TAF1: variants seen among roughly 807,000 people sequenced by gnomAD.
The protein encoded by TAF1 is transcription initiation factor TFIID subunit 1.
Under a neutral mutation model 138.5 loss-of-function variants are expected in TAF1, and 2 were observed. The ratio of observed to expected loss-of-function variants is 0.01; its 90% CI spans 0.01 to 0.05. The LOEUF (loss-of-function observed/expected upper bound fraction) is 0.05, where lower values mean the gene tolerates loss of function less well. Among genes scored for constraint, TAF1 ranks in the 10% least tolerant of loss-of-function variants. The pLI, the probability that TAF1 is intolerant of heterozygous loss-of-function variation, is 1.00. For missense variants in TAF1, 709 were observed against 1,478.0 expected (o/e 0.48, Z 8.53); for synonymous variants, 437 against 503.2 (o/e 0.87, Z 1.76).
chrX:71,487,573 T>C (rs2039196921), intron 13 of TAF1, among the ~76,000 whole-genome samples: 1 of 111,408 alleles, frequency 9.0e-6, no homozygotes, highest in African/African-American at 3.3e-5. Context: ...TCCAACTGCC[T>C]TGGCCTCCCA....
intron 18 of TAF1, 97 bp downstream of exon 18, chrX:71,389,762 A>C: frequency 1.5e-6 from 1 of 651,541 alleles, no homozygotes; most frequent in Middle Eastern, 4.2e-4. Flanking sequence ...TAAACTGTAC[A>C]CATTTAAAGT....
intron 13 of TAF1, among the ~76,000 whole-genome samples, chrX:71,523,702 A>G (rs2039944686): frequency 1.8e-5 from 2 of 112,000 alleles, no homozygotes; most frequent in Non-Finnish European, 3.8e-5. Context: ...TTAAACACAT[A>G]GTATCATAAG....
chrX:71,443,975 T>C (rs1038985520), intron 32 of TAF1, among the ~76,000 whole-genome samples: 1 of 110,486 alleles, frequency 9.1e-6, no homozygotes, highest in Admixed American at 9.7e-5. Flanking sequence ...CCTCCCAAAG[T>C]GTTGAGATTA....
intron 28 of TAF1, among the ~76,000 whole-genome samples, chrX:71,408,874 C>T (rs1222546988): frequency 9.1e-6 from 1 of 110,290 alleles, no homozygotes; most frequent in Non-Finnish European, 1.9e-5. Flanking sequence ...GTTATCTGGG[C>T]GTAGTGGCGG....
Position 71,465,892 on chromosome X carries a change from G to A in TAF1, c.*1846G>A, listed in dbSNP as rs2147467231. 8.9e-6 allele frequency: 1 copy of A among 112,108 alleles called. No individual in the cohort carries two copies. Among genetic ancestry groups the A allele is most frequent in the South Asian group, 3.7e-4 (1 of 2,715 alleles). The allele number at this position is 112,108 out of a possible 1,213,427, so 9.2% of individuals were successfully genotyped here. The stretch of plus-strand genomic sequence containing the variant: ...CCCAGGAATGGGATTGGAGGGGAGG[G>A]GGCTTCTGTGTTTGTTATGTATGCT... On this transcript the variant is annotated 3_prime_UTR_variant, in exon 38 of 38. Transcript: ENST00000423759.
intron 3 of TAF1, among the ~76,000 whole-genome samples, chrX:71,371,045 G>T (rs780672445): frequency 9.0e-6 from 1 of 111,694 alleles, no homozygotes; most frequent in Non-Finnish European, 1.9e-5. Context: ...CACCCTGACT[G>T]GGGGGACATG....
At chrX:71,483,086 C>G (rs1338571099) in intron 13 of TAF1, among the ~76,000 whole-genome samples, 2 of 108,526 alleles carry the variant, frequency 1.8e-5, no homozygotes, top group Non-Finnish European at 3.8e-5. Context: ...TCTCCCAACT[C>G]AGCCTCTCTA....
intron 13 of TAF1, among the ~76,000 whole-genome samples, chrX:71,518,312 C>T (rs966211980): frequency 1.3e-4 from 15 of 111,139 alleles, no homozygotes; most frequent in Admixed American, 6.7e-4. Flanking sequence ...GGATTACAGG[C>T]GAGTGCCACC....
intron 28 of TAF1, among the ~76,000 whole-genome samples, chrX:71,413,557 T>C: frequency 8.9e-6 from 1 of 111,912 alleles, no homozygotes; most frequent in Non-Finnish European, 1.9e-5. Flanking sequence ...AGAAATACTT[T>C]CTCGAATCAT....
intron 28 of TAF1, among the ~76,000 whole-genome samples, chrX:71,409,726 A>G (rs1347825467): frequency 3.6e-5 from 4 of 111,107 alleles, no homozygotes; most frequent in Non-Finnish European, 3.8e-5. Context: ...TCCATCTCCA[A>G]TAACTGGCTC....
intron 32 of TAF1, among the ~76,000 whole-genome samples, chrX:71,435,040 T>C (rs2037071631): frequency 8.9e-6 from 1 of 112,592 alleles, no homozygotes; most frequent in Non-Finnish European, 1.9e-5. Flanking sequence ...TAGGTGATGC[T>C]GAGCTAGTCA....
In TAF1 at chrX:71,489,202, T is replaced by C. The variant is rs765789874; in HGVS notation, c.1366+28399T>C. The stretch of plus-strand genomic sequence containing the variant: ...TAGTCTGTCCCTTTTGTTGCTATTG[T>C]TTTAGGCAGTAGGGTGAATTACTCA... On this transcript the variant is annotated intron_variant and NMD_transcript_variant, in intron 13 of 14. Coordinates refer to the TAF1 transcript ENST00000373775. Among the ~76,000 whole-genome samples, 5 of 111,402 alleles carry C rather than the reference T, an allele frequency of 4.5e-5. No individual in the cohort carries two copies. The South Asian group carries it at 1.9e-3, about 42-fold the overall frequency.
At chrX:71,389,445 T>C in intron 17 of TAF1, 140 bp from the exon 18 acceptor site, 1 of 476,310 alleles carries the variant, frequency 2.1e-6, no homozygotes, top group Non-Finnish European at 3.7e-6. Context: ...TGTGCCGTGG[T>C]GTTAGATATA....
rs769998735 is a variant in TAF1 at position 71,464,478 on chromosome X, G to A, written c.*432G>A. The A allele has an allele frequency of 4.3e-5, 13 of 298,926 alleles. No individual in the cohort carries two copies. Among genetic ancestry groups the A allele is most frequent in the Non-Finnish European group, 7.0e-5 (12 of 172,441 alleles). 24.6% of individuals were successfully genotyped at this position (298,926 alleles called of 1,213,427 possible). A position where few individuals can be genotyped will look rare whatever the true frequency, so the allele number is the denominator to read the frequency against. ...TCAGCACTCTGGGAGGCCGAGGCGG[G>A]CAGATCACCTGAGGTCAGAAGTTCG... On this transcript the variant is annotated 3_prime_UTR_variant, in exon 38 of 38. Transcript: ENST00000423759.
chrX:71,383,897 A>G, intron 12 of TAF1, 65 bp from the exon 13 acceptor site: 10 of 1,096,825 alleles, frequency 9.1e-6, no homozygotes, highest in Non-Finnish European at 1.2e-5. Flanking sequence ...CTCAGATTGA[A>G]CAACGTCATT....
At chrX:71,481,060 C>T (rs2039061736) in intron 13 of TAF1, among the ~76,000 whole-genome samples, 1 of 112,347 alleles carries the variant, frequency 8.9e-6, no homozygotes, top group Non-Finnish European at 1.9e-5. Flanking sequence ...GGGCGGATCA[C>T]CTGAGGTCAG....
intron 8 of TAF1, among the ~76,000 whole-genome samples, chrX:71,380,102 A>G (rs2067588411): frequency 9.0e-6 from 1 of 111,247 alleles, no homozygotes; most frequent in African/African-American, 3.3e-5. Flanking sequence ...GAGATTATCA[A>G]CTGTTAAGTT....
At chrX:71,379,066 T>G in intron 8 of TAF1, 35 bp downstream of exon 8, 6 of 1,112,765 alleles carry the variant, frequency 5.4e-6, no homozygotes, top group Non-Finnish European at 7.4e-6. Flanking sequence ...TAGCAGATAC[T>G]GCCCTTAATC....
chrX:71,454,289 T>C (rs759247483), intron 33 of TAF1, 52 bp downstream of exon 33: 4 of 1,092,104 alleles, frequency 3.7e-6, no homozygotes, highest in Middle Eastern at 3.3e-4. Context: ...GGAGACCCCA[T>C]CTTTACAAAA....
Sources: gnomAD v4.1 joint callset for allele counts (sites outside exome capture counted in the v4.1 genomes callset) on GRCh38, gnomAD v4.1.1 for gene constraint, MANE v1.5 for transcripts, NCBI Gene and HGNC (gene_info 2026-07-23, HGNC 2026-07-21) for gene names.